ZNF385D: variants seen among roughly 807,000 people sequenced by gnomAD.
ZNF385D encodes the protein zinc finger protein 659.
ZNF385D carries 15 observed loss-of-function variants against 35.8 expected under a neutral mutation model. The observed-to-expected ratio is 0.42, with a 90% CI of 0.28 to 0.64. The LOEUF (loss-of-function observed/expected upper bound fraction) is 0.64. Ranked by LOEUF, ZNF385D falls within the 30% of genes least tolerant of loss-of-function variation. ZNF385D has a pLI of 0.23. For synonymous variants in ZNF385D, 212 were observed against 186.8 expected (o/e 1.13, Z -1.10); for missense variants, 474 against 494.6 (o/e 0.96, Z 0.39).
intron 3 of ZNF385D, among the ~76,000 whole-genome samples, chr3:22,066,587 A>G (rs1699976047): frequency 7.2e-6 from 1 of 139,794 alleles, no homozygotes; most frequent in Non-Finnish European, 1.5e-5. Context: ...TGTGTAAGTA[A>G]AAAGATACTG....
At chr3:22,210,353 C>A (rs574334346) in intron 2 of ZNF385D, among the ~76,000 whole-genome samples, 2 of 151,700 alleles carry the variant, frequency 1.3e-5, no homozygotes, top group Non-Finnish European at 1.5e-5. Context: ...TCTATACTTA[C>A]GTCTTGGAAG....
At chr3:22,313,142 CG>C (rs1296605097) in intron 2 of ZNF385D, among the ~76,000 whole-genome samples, 4 of 151,718 alleles carry the variant, frequency 2.6e-5, no homozygotes, top group African/African-American at 9.7e-5. Flanking sequence ...AGCAAACTAT[CG>C]CCAAGGACAA....
At chr3:21,756,116 T>C (rs143085898), upstream of ZNF385D, among the ~76,000 whole-genome samples, 95 of 152,284 alleles carry the variant, frequency 6.2e-4, no homozygotes, top group African/African-American at 1.8e-3. Context: ...GTATGAAGAA[T>C]TGACTAAAGC....
At chr3:22,327,682 G>T in intron 2 of ZNF385D, among the ~76,000 whole-genome samples, 1 of 152,138 alleles carries the variant, frequency 6.6e-6, no homozygotes, top group East Asian at 1.9e-4. Flanking sequence ...ACTCCCAGTG[G>T]AAGATTGCAT....
chr3:22,311,942 C>T (rs1432384905), intron 2 of ZNF385D, among the ~76,000 whole-genome samples: 1 of 152,098 alleles, frequency 6.6e-6, no homozygotes, highest in Non-Finnish European at 1.5e-5. Flanking sequence ...ATTGAGGCTA[C>T]ACAAAGTAGC....
At chr3:21,501,700 A>AT (rs140839322) in intron 4 of ZNF385D, among the ~76,000 whole-genome samples, 2 of 152,118 alleles carry the variant, frequency 1.3e-5, no homozygotes, top group African/African-American at 2.4e-5. Context: ...TTTAAGAATC[A>AT]TTTTTTTGCA....
chr3:21,583,990 T>TTTA (rs1559431687), intron 2 of ZNF385D, among the ~76,000 whole-genome samples: 3 of 45,434 alleles, frequency 6.6e-5, no homozygotes, highest in Admixed American at 4.1e-4. Flanking sequence ...TTATTTATTT[T>TTTA]TTGAGACAGA....
chr3:22,181,182 C>A (rs921435459), intron 2 of ZNF385D, among the ~76,000 whole-genome samples: 2 of 152,014 alleles, frequency 1.3e-5, no homozygotes, highest in Non-Finnish European at 2.9e-5. Context: ...CTCCCTTTCA[C>A]TATTAAAGGA....
At chr3:22,116,756 G>A (rs1702831379) in intron 3 of ZNF385D, among the ~76,000 whole-genome samples, 1 of 151,856 alleles carries the variant, frequency 6.6e-6, no homozygotes, top group East Asian at 1.9e-4. Context: ...ATTCCACAAA[G>A]CCTAGCATAT....
intron 2 of ZNF385D, among the ~76,000 whole-genome samples, chr3:21,585,579 C>T (rs2063785817): frequency 6.6e-6 from 1 of 152,100 alleles, no homozygotes; most frequent in Non-Finnish European, 1.5e-5. Flanking sequence ...CTGTTAATTA[C>T]CTGGCAAAAT....
At chr3:22,233,099 T>A (rs1438303061) in intron 2 of ZNF385D, among the ~76,000 whole-genome samples, 1 of 152,146 alleles carries the variant, frequency 6.6e-6, no homozygotes, top group Non-Finnish European at 1.5e-5. Context: ...TTTAGTATAC[T>A]CCGTTTCTCT....
chr3:21,470,879 C>T (rs1257700906), intron 4 of ZNF385D, among the ~76,000 whole-genome samples: 2 of 152,094 alleles, frequency 1.3e-5, no homozygotes, highest in Non-Finnish European at 2.9e-5. Flanking sequence ...ACCTGGAACA[C>T]ACTTTGGGAA....
chr3:21,950,828 G>A (rs1702029024), intron 3 of ZNF385D, among the ~76,000 whole-genome samples: 1 of 151,562 alleles, frequency 6.6e-6, no homozygotes, highest in African/African-American at 2.4e-5. Flanking sequence ...GCTTGTTTTT[G>A]TCAGTATGCC....
intron 3 of ZNF385D, among the ~76,000 whole-genome samples, chr3:21,991,200 G>T (rs925595021): frequency 3.9e-5 from 6 of 152,140 alleles, no homozygotes; most frequent in African/African-American, 1.2e-4. Context: ...TTAAAATGTT[G>T]CAAGACACAC....
At chr3:21,998,918 A>C (rs1695660830) in intron 3 of ZNF385D, among the ~76,000 whole-genome samples, 1 of 152,292 alleles carries the variant, frequency 6.6e-6, no homozygotes, top group Admixed American at 6.5e-5. Flanking sequence ...AATTATATTA[A>C]AGCAGAAATT....
chr3:21,758,564 A>C (rs550682688), intron 3 of ZNF385D, among the ~76,000 whole-genome samples: 29 of 152,288 alleles, frequency 1.9e-4, no homozygotes, highest in African/African-American at 6.0e-4. Flanking sequence ...GAGCCAAAAA[A>C]CAGAACGTTC....
chr3:21,709,996 T>C (rs1419542330), intron 1 of ZNF385D, among the ~76,000 whole-genome samples: 1 of 152,214 alleles, frequency 6.6e-6, no homozygotes, highest in Non-Finnish European at 1.5e-5. Context: ...AAAACATGGA[T>C]GAATCTCAAG....
chr3:22,133,929 G>C (rs1047979161), intron 3 of ZNF385D: 11 of 152,000 alleles, frequency 7.2e-5, no homozygotes, highest in South Asian at 2.1e-4. Context: ...ACCTCTTTTT[G>C]TATGAAAATC....
chr3:22,244,311 ACT>A (rs1261993682), intron 2 of ZNF385D, among the ~76,000 whole-genome samples: 1 of 147,070 alleles, frequency 6.8e-6, no homozygotes, highest in Non-Finnish European at 1.5e-5. Flanking sequence ...TTTAAGATAA[ACT>A]CTCTCGCTCT....
Sources: allele counts gnomAD v4.1 joint callset (sites outside exome capture counted in the v4.1 genomes callset), GRCh38; gene constraint gnomAD v4.1.1; transcripts MANE v1.5; gene names NCBI Gene and HGNC (gene_info 2026-07-23, HGNC 2026-07-21).